Variants in VRK3 observed in about 807,000 individuals in gnomAD.
VRK3 encodes VRK serine/threonine kinase 3.
VRK3 carries 50 observed loss-of-function variants against 60.4 expected under a neutral mutation model. That is an observed-to-expected ratio of 0.83 (90% CI 0.66 to 1.05). The LOEUF (loss-of-function observed/expected upper bound fraction) is 1.05, where lower values mean the gene tolerates loss of function less well. Ranked by LOEUF, VRK3 falls within the 50% of genes least tolerant of loss-of-function variation. The pLI, the probability that VRK3 is intolerant of heterozygous loss-of-function variation, is 0.00. For missense variants in VRK3, 549 were observed against 585.3 expected (o/e 0.94, Z 0.64); for synonymous variants, 246 against 227.8 (o/e 1.08, Z -0.72).
intron 4 of VRK3, 126 bp downstream of exon 4, chr19:50,009,110 G>C (rs1164168931): frequency 8.7e-7 from 1 of 1,146,052 alleles, no homozygotes; most frequent in Non-Finnish European, 1.3e-6. Flanking sequence ...GAAGCTGCTG[G>C]AGTCAGAGTC....
At chr19:50,013,435 AAAG>A (rs1273201729) in intron 3 of VRK3, among the ~76,000 whole-genome samples, 1 of 152,222 alleles carries the variant, frequency 6.6e-6, no homozygotes, top group African/African-American at 2.4e-5. Context: ...CAGTGAAAGA[AAAG>A]AAGAAATAAA....
chr19:49,996,420 A>G (rs2076705851), intron 7 of VRK3, among the ~76,000 whole-genome samples: 1 of 152,060 alleles, frequency 6.6e-6, no homozygotes, highest in Non-Finnish European at 1.5e-5. Flanking sequence ...AGCTACCAAC[A>G]TGACATGACT....
chr19:49,988,519 G>A, intron 11 of VRK3, 27 bp from the exon 12 acceptor site: 1 of 1,608,330 alleles, frequency 6.2e-7, no homozygotes, highest in Non-Finnish European at 8.5e-7. Flanking sequence ...AAAGGTGGCA[G>A]CTCAAGTCTG....
intron 10 of VRK3, among the ~76,000 whole-genome samples, chr19:49,990,506 G>A (rs1217317432): frequency 6.6e-6 from 1 of 151,712 alleles, no homozygotes; most frequent in African/African-American, 2.4e-5. Flanking sequence ...TCAGCCTCCC[G>A]AGTAGCTGGG....
intron 3 of VRK3, among the ~76,000 whole-genome samples, chr19:50,010,126 T>C (rs575279933): frequency 3.3e-5 from 5 of 152,172 alleles, no homozygotes; most frequent in African/African-American, 1.2e-4. Flanking sequence ...TACACATATA[T>C]ACATATATAG....
intron 14 of VRK3, among the ~76,000 whole-genome samples, chr19:49,977,124 G>A (rs558676230): frequency 3.3e-5 from 5 of 152,250 alleles, no homozygotes; most frequent in Non-Finnish European, 5.9e-5. Flanking sequence ...CATAAAGCCA[G>A]GATGAGGGGA....
intron 2 of VRK3, among the ~76,000 whole-genome samples, 191 bp from the exon 3 acceptor site, chr19:50,016,354 T>C (rs1412499990): frequency 6.6e-6 from 1 of 152,200 alleles, no homozygotes; most frequent in African/African-American, 2.4e-5. Context: ...CAAATATCAA[T>C]ATGCTCCCCT....
chr19:50,001,963 C>G (rs1266400217), intron 5 of VRK3, among the ~76,000 whole-genome samples: 1 of 152,108 alleles, frequency 6.6e-6, no homozygotes, highest in Non-Finnish European at 1.5e-5. Context: ...TCAGTGAACC[C>G]ACTCAGCCCA....
intron 11 of VRK3, among the ~76,000 whole-genome samples, chr19:49,989,227 T>G (rs1323943977): frequency 6.6e-6 from 1 of 152,160 alleles, no homozygotes; most frequent in Non-Finnish European, 1.5e-5. Context: ...ACACTTTCCC[T>G]GGATGATCCC....
Position 50,016,487 on chromosome 19 carries a change from C to A in VRK3, c.-1-324G>T, listed in dbSNP as rs559144117. Among the ~76,000 whole-genome samples the A allele has an allele frequency of 2.2e-3, 337 of 152,276 alleles. 3 individuals carry two copies. Among genetic ancestry groups the A allele is most frequent in the African/African-American group, 7.9e-3 (329 of 41,538 alleles). On this transcript the variant is annotated intron_variant, in intron 2 of 14. Transcript: ENST00000316763. Reference sequence around the variant, plus strand: ...AGTCAGAATACCTCCTCTGCCTCCCCCTCCACCTGCAGGGATGGCCCTGGA... The same window carrying A: ...AGTCAGAATACCTCCTCTGCCTCCCACTCCACCTGCAGGGATGGCCCTGGA...
chr19:50,023,376 G>A (rs370212997), intron 1 of VRK3, among the ~76,000 whole-genome samples: 2 of 152,148 alleles, frequency 1.3e-5, no homozygotes, highest in East Asian at 3.8e-4. Flanking sequence ...GTAGAGATGG[G>A]GTTTCACCAT....
intron 1 of VRK3, among the ~76,000 whole-genome samples, chr19:50,021,453 G>T (rs779207147): frequency 6.6e-6 from 1 of 152,206 alleles, no homozygotes; most frequent in South Asian, 2.1e-4. Flanking sequence ...AGTTTCCACG[G>T]CATGAGGCAG....
chr19:49,977,867 G>C (rs1414920498), intron 14 of VRK3, among the ~76,000 whole-genome samples: 2 of 152,134 alleles, frequency 1.3e-5, no homozygotes, highest in African/African-American at 4.8e-5. Flanking sequence ...ACGGAGAAAA[G>C]AGTCCCCACC....
At chr19:50,007,869 G>C (rs779188569) in intron 4 of VRK3, 43 bp from the exon 5 acceptor site, 1 of 1,607,794 alleles carries the variant, frequency 6.2e-7, no homozygotes, top group Non-Finnish European at 8.5e-7. Context: ...CCATCCAGGA[G>C]AGAAAAGTTA....
At chr19:49,977,006 C>T (rs1438626801) in intron 14 of VRK3, among the ~76,000 whole-genome samples, 2 of 152,142 alleles carry the variant, frequency 1.3e-5, no homozygotes, top group Non-Finnish European at 2.9e-5. Flanking sequence ...CAGATGGGAA[C>T]AAGGGCTGTG....
chr19:50,015,972 T>C, intron 3 of VRK3, 52 bp downstream of exon 3: 14 of 1,612,494 alleles, frequency 8.7e-6, no homozygotes, highest in Non-Finnish European at 1.2e-5. Context: ...GACACACACG[T>C]GTATGCACCT....
intron 14 of VRK3, 67 bp from the exon 15 acceptor site, chr19:49,976,851 C>A (rs951900760): frequency 3.3e-5 from 5 of 152,214 alleles, no homozygotes; most frequent in African/African-American, 1.2e-4. Context: ...GCCTTCACTT[C>A]ATGCCAAGCA....
At chr19:50,013,706 T>C (rs1463422066) in intron 3 of VRK3, among the ~76,000 whole-genome samples, 1 of 152,190 alleles carries the variant, frequency 6.6e-6, no homozygotes, top group African/African-American at 2.4e-5. Flanking sequence ...CCCAATACCA[T>C]GCCAGGCACA....
intron 13 of VRK3, 144 bp downstream of exon 13, chr19:49,980,811 C>T (rs535420919): frequency 2.6e-5 from 17 of 648,414 alleles, no homozygotes; most frequent in Admixed American, 1.3e-4. Context: ...ACGATTTTGT[C>T]TTTCTACAAT....
Sources: gnomAD v4.1 joint callset for allele counts (sites outside exome capture counted in the v4.1 genomes callset) on GRCh38, gnomAD v4.1.1 for gene constraint, MANE v1.5 for transcripts, NCBI Gene and HGNC (gene_info 2026-07-23, HGNC 2026-07-21) for gene names.